The following RGS17 variants were observed in gnomAD, a reference collection of about 807,000 sequenced individuals.
The protein encoded by RGS17 is regulator of G-protein signaling 17.
Under a neutral mutation model 25.5 loss-of-function variants are expected in RGS17, and 12 were observed. The ratio of observed to expected loss-of-function variants is 0.47; its 90% CI spans 0.30 to 0.76. The LOEUF (loss-of-function observed/expected upper bound fraction) is 0.76, where lower values mean the gene tolerates loss of function less well. Ranked by LOEUF, RGS17 falls within the 30% of genes least tolerant of loss-of-function variation. RGS17 has a pLI of 0.07. For synonymous variants in RGS17, 71 were observed against 76.9 expected (o/e 0.92, Z 0.40); for missense variants, 196 against 242.2 (o/e 0.81, Z 1.27).
intron 2 of RGS17, among the ~76,000 whole-genome samples, chr6:153,027,363 G>A (rs1779313988): frequency 6.6e-6 from 1 of 152,032 alleles, no homozygotes; most frequent in Non-Finnish European, 1.5e-5. Context: ...CTCTCGGTGT[G>A]GACTAGAAAC....
At chr6:153,128,919 C>G (rs1777744668) in intron 1 of RGS17, among the ~76,000 whole-genome samples, 1 of 152,110 alleles carries the variant, frequency 6.6e-6, no homozygotes, top group Admixed American at 6.5e-5. Context: ...GGGGACTAAA[C>G]GCCAAGGAGT....
Position 153,011,305 on chromosome 6 carries a change from C to G in RGS17, c.*269G>C. 2.5e-6 allele frequency: 1 copy of G among 398,832 alleles called. No individual in the cohort carries two copies. The highest frequency in any genetic ancestry group is 4.5e-6 in the Non-Finnish European group (1 of 221,532). The allele number at this position is 398,832 out of a possible 1,614,324, so 24.7% of individuals were successfully genotyped here. On this transcript the variant is annotated 3_prime_UTR_variant, in exon 5 of 5. Transcript: ENST00000206262. Reference sequence around the variant, plus strand: ...TCTGGAGATACACGAGGAGACTGTTCATAGGACTACAAATACACTTTGCTT... The same window carrying G: ...TCTGGAGATACACGAGGAGACTGTTGATAGGACTACAAATACACTTTGCTT...
At chr6:153,085,421 G>T (rs913188315) in intron 1 of RGS17, among the ~76,000 whole-genome samples, 1 of 152,134 alleles carries the variant, frequency 6.6e-6, no homozygotes, top group Non-Finnish European at 1.5e-5. Flanking sequence ...CCAGACCCTT[G>T]TGCCATAACA....
chr6:153,121,229 C>T (rs1265385575), intron 1 of RGS17, among the ~76,000 whole-genome samples: 10 of 152,176 alleles, frequency 6.6e-5, no homozygotes, highest in African/African-American at 2.4e-4. Context: ...TTCAGACCCA[C>T]ACAGGCTGTA....
chr6:153,058,038 C>T (rs1427186548), intron 1 of RGS17, among the ~76,000 whole-genome samples: 3 of 152,176 alleles, frequency 2.0e-5, no homozygotes, highest in Non-Finnish European at 4.4e-5. Flanking sequence ...TATTCTTATC[C>T]TTGTTTCCTC....
rs145451180 is a variant in RGS17, at chr6:153,036,379, C to G, written c.119+7521G>C. On this transcript the variant is annotated intron_variant, in intron 2 of 4. Transcript: ENST00000206262. ...CCTTGCTGCGTTTTGCATGTCATTT[C>G]TCACATCACTTCTTCTCCACTGTGT... Among the ~76,000 whole-genome samples, 631 of 152,206 alleles carry G rather than the reference C, an allele frequency of 4.1e-3. 2 individuals are homozygous for G. The highest frequency in any genetic ancestry group is 7.6e-3 in the Non-Finnish European group (519 of 68,000).
chr6:153,049,960 C>CA (rs1270480252), intron 1 of RGS17, among the ~76,000 whole-genome samples: 1 of 151,966 alleles, frequency 6.6e-6, no homozygotes, highest in African/African-American at 2.4e-5. Flanking sequence ...ATATGTAGAT[C>CA]AAAATAATAA....
intron 4 of RGS17, among the ~76,000 whole-genome samples, chr6:153,012,140 T>C (rs1779140735): frequency 6.6e-6 from 1 of 152,142 alleles, no homozygotes. Context: ...GTTGGCAATA[T>C]TGATAAGAAG....
chr6:153,088,766 T>C (rs548952308), intron 1 of RGS17, among the ~76,000 whole-genome samples: 1 of 152,106 alleles, frequency 6.6e-6, no homozygotes, highest in East Asian at 1.9e-4. Flanking sequence ...TGTGGCATAC[T>C]GGAAGTAACT....
intron 1 of RGS17, among the ~76,000 whole-genome samples, chr6:153,085,386 C>A (rs1777038326): frequency 3.3e-5 from 5 of 152,162 alleles, no homozygotes; most frequent in Admixed American, 2.6e-4. Flanking sequence ...CAGGATAACA[C>A]TGGAAATGAG....
intron 2 of RGS17, among the ~76,000 whole-genome samples, chr6:153,037,530 A>C (rs1387135114): frequency 6.6e-6 from 1 of 151,418 alleles, no homozygotes; most frequent in East Asian, 1.9e-4. Flanking sequence ...GGTTCAAGCG[A>C]TTCTCCTGCC....
chr6:153,123,803 C>T (rs1488681046), intron 1 of RGS17, among the ~76,000 whole-genome samples: 1 of 152,208 alleles, frequency 6.6e-6, no homozygotes, highest in Non-Finnish European at 1.5e-5. Flanking sequence ...TCATCCCCTA[C>T]ACCAGCGTTT....
intron 1 of RGS17, among the ~76,000 whole-genome samples, chr6:153,126,765 C>CA (rs1777710209): frequency 6.6e-6 from 1 of 152,096 alleles, no homozygotes; most frequent in Admixed American, 6.5e-5. Context: ...GGAGAAACTG[C>CA]AATAGAGATA....
chr6:153,066,676 C>T (rs1347639221), intron 1 of RGS17, among the ~76,000 whole-genome samples: 1 of 152,086 alleles, frequency 6.6e-6, no homozygotes, highest in Non-Finnish European at 1.5e-5. Context: ...CCCTAGAATG[C>T]AAAAATTAAT....
chr6:153,076,232 G>A (rs1261889022), intron 1 of RGS17, among the ~76,000 whole-genome samples: 1 of 151,912 alleles, frequency 6.6e-6, no homozygotes, highest in Non-Finnish European at 1.5e-5. Context: ...TGTTGGTAGT[G>A]ACACTGTTAT....
intron 1 of RGS17, among the ~76,000 whole-genome samples, chr6:153,060,802 C>A (rs984177080): frequency 6.6e-6 from 1 of 151,716 alleles, no homozygotes; most frequent in Non-Finnish European, 1.5e-5. Flanking sequence ...CACAATAAAT[C>A]TATCTTGCAG....
chr6:153,105,151 CA>C (rs1323786133), intron 1 of RGS17, among the ~76,000 whole-genome samples: 1 of 151,618 alleles, frequency 6.6e-6, no homozygotes, highest in Non-Finnish European at 1.5e-5. Context: ...ACCTTAGGGA[CA>C]GCAGCCTCAT....
chr6:153,045,585 T>G (rs186143834), intron 1 of RGS17, among the ~76,000 whole-genome samples: 1 of 152,172 alleles, frequency 6.6e-6, no homozygotes, highest in East Asian at 1.9e-4. Context: ...TGGAAACAAA[T>G]GAAAAGCATT....
At chr6:153,116,610 A>G (rs141239293) in intron 1 of RGS17, among the ~76,000 whole-genome samples, 53 of 152,322 alleles carry the variant, frequency 3.5e-4, no homozygotes, top group African/African-American at 1.2e-3. Context: ...TTTTACTATA[A>G]AGACACATGC....
Sources: gnomAD v4.1 joint callset for allele counts (sites outside exome capture counted in the v4.1 genomes callset) on GRCh38, gnomAD v4.1.1 for gene constraint, MANE v1.5 for transcripts, NCBI Gene and HGNC (gene_info 2026-07-23, HGNC 2026-07-21) for gene names.